CAPZB: variants seen among roughly 807,000 people sequenced by gnomAD.
The protein encoded by CAPZB is capping actin protein of muscle Z-line subunit beta, also known as F-actin-capping protein subunit beta.
Under a neutral mutation model 38.1 loss-of-function variants are expected in CAPZB, and 2 were observed. The observed-to-expected ratio is 0.05, with a 90% CI of 0.02 to 0.17. The LOEUF is 0.17. CAPZB is among the 10% of genes least tolerant of loss of function. The pLI is 1.00. For synonymous variants in CAPZB, 107 were observed against 127.4 expected, an observed-to-expected ratio of 0.84 and a Z score of 1.08; for missense variants, 161 against 334.2, an observed-to-expected ratio of 0.48 and a Z score of 4.04.
At chr1:19,471,661 A>C (rs4912101) in intron 1 of CAPZB, among the ~76,000 whole-genome samples, 1 of 151,826 alleles carries the variant, frequency 6.6e-6, no homozygotes, top group Non-Finnish European at 1.5e-5. Flanking sequence ...TCAGGAGATC[A>C]AGACCATCCT....
intron 1 of CAPZB, among the ~76,000 whole-genome samples, chr1:19,469,650 T>C (rs2094579852): frequency 6.7e-6 from 1 of 149,800 alleles, no homozygotes; most frequent in Non-Finnish European, 1.5e-5. Flanking sequence ...AAGTGACCGG[T>C]TCAAGAAGGT....
chr1:19,478,467 C>G (rs1043751607), intron 1 of CAPZB, among the ~76,000 whole-genome samples: 1 of 152,184 alleles, frequency 6.6e-6, no homozygotes, highest in Non-Finnish European at 1.5e-5. Context: ...TTACAAGACA[C>G]GTGACGACAC....
intron 1 of CAPZB, among the ~76,000 whole-genome samples, chr1:19,465,018 GTTAATT>G (rs2094564656): frequency 6.6e-6 from 1 of 152,080 alleles, no homozygotes; most frequent in Admixed American, 6.6e-5. Flanking sequence ...CTTAAAGCTG[GTTAATT>G]TTATTACTTG....
intron 2 of CAPZB, among the ~76,000 whole-genome samples, chr1:19,393,164 C>T (rs1220126895): frequency 1.3e-5 from 2 of 152,264 alleles, no homozygotes; most frequent in African/African-American, 4.8e-5. Context: ...GAGGCTGGAG[C>T]TTCCGACCCA....
At chr1:19,369,035 A>G (rs1377425455) in intron 4 of CAPZB, among the ~76,000 whole-genome samples, 1 of 152,212 alleles carries the variant, frequency 6.6e-6, no homozygotes, top group Non-Finnish European at 1.5e-5. Context: ...TGGTTAGAGG[A>G]ACCCAAGAAT....
intron 1 of CAPZB, among the ~76,000 whole-genome samples, chr1:19,423,516 C>CTTTTT (rs11340496): frequency 1.1e-4 from 12 of 113,264 alleles, no homozygotes; most frequent in African/African-American, 2.1e-4. Context: ...AGTGAACATT[C>CTTTTT]TTTTTTTTTT....
At chr1:19,361,499 G>A (rs1310854632) in intron 4 of CAPZB, among the ~76,000 whole-genome samples, 2 of 152,282 alleles carry the variant, frequency 1.3e-5, no homozygotes, top group Admixed American at 1.3e-4. Context: ...TCCTGCGAGT[G>A]CCATCAGGGC....
chr1:19,414,580 G>A (rs2094371241), intron 2 of CAPZB, among the ~76,000 whole-genome samples: 1 of 152,174 alleles, frequency 6.6e-6, no homozygotes, highest in Non-Finnish European at 1.5e-5. Flanking sequence ...AGACTTTCTT[G>A]CCTAGTTAAA....
chr1:19,418,685 T>C (rs1036861538), intron 2 of CAPZB, among the ~76,000 whole-genome samples: 4 of 152,242 alleles, frequency 2.6e-5, no homozygotes, highest in Non-Finnish European at 5.9e-5. Context: ...ATAGTCGCAC[T>C]ACAGACCTTT....
chr1:19,481,482 C>T (rs529037392), intron 1 of CAPZB, among the ~76,000 whole-genome samples: 1 of 152,334 alleles, frequency 6.6e-6, no homozygotes, highest in Non-Finnish European at 1.5e-5. Flanking sequence ...CTGCTGTTCA[C>T]ACCGGTCACT....
At position 19,342,758 on chromosome 1, in the gene CAPZB, C is replaced by G. The variant is rs118112042; in HGVS notation, c.731+1600G>C. On this transcript the variant is annotated intron_variant, in intron 8 of 8. Transcript: ENST00000264202. ...CGGCTCTCAGGCAGGGTACCTGGAT[C>G]GGCTTAATTATCAGGCTGGATGTAG... The G allele has an allele frequency of 8.7e-6, 14 of 1,604,120 alleles. No individual in the cohort carries two copies. In the African/African-American group the frequency reaches 1.9e-4, roughly 21 times the overall value.
intron 6 of CAPZB, among the ~76,000 whole-genome samples, chr1:19,345,984 G>A (rs960914233): frequency 2.0e-5 from 3 of 152,208 alleles, no homozygotes; most frequent in Non-Finnish European, 4.4e-5. Flanking sequence ...AGCTGGCTCT[G>A]ACCCAATCAT....
chr1:19,470,565 A>G (rs758408572), intron 1 of CAPZB, among the ~76,000 whole-genome samples: 2 of 152,244 alleles, frequency 1.3e-5, no homozygotes, highest in Non-Finnish European at 2.9e-5. Flanking sequence ...AGACTCACAC[A>G]AGAGTGTAGA....
chr1:19,380,881 T>G (rs184570655), intron 3 of CAPZB, among the ~76,000 whole-genome samples: 35 of 151,856 alleles, frequency 2.3e-4, no homozygotes, highest in Non-Finnish European at 2.2e-4. Context: ...TTTTTAAGAA[T>G]GAATTTGGCC....
At chr1:19,370,271 C>T (rs964232205) in intron 4 of CAPZB, among the ~76,000 whole-genome samples, 7 of 152,198 alleles carry the variant, frequency 4.6e-5, no homozygotes, top group South Asian at 2.1e-4. Flanking sequence ...GGGCTGTGCC[C>T]GGGATCCCCA....
intron 3 of CAPZB, among the ~76,000 whole-genome samples, chr1:19,379,298 C>T (rs1010085406): frequency 1.3e-5 from 2 of 152,046 alleles, no homozygotes; most frequent in Non-Finnish European, 2.9e-5. Flanking sequence ...GGAGTTTGGC[C>T]GTGTCGGCCA....
intron 1 of CAPZB, among the ~76,000 whole-genome samples, chr1:19,428,762 G>A (rs6692727): frequency 0.31 from 46,569 of 151,928 alleles, 7,398 homozygotes; most frequent in Middle Eastern, 0.39. Context: ...CTTCTCCCCC[G>A]TGAGTCTTTC....
chr1:19,345,886 T>C (rs2093957898), intron 6 of CAPZB, among the ~76,000 whole-genome samples: 1 of 152,172 alleles, frequency 6.6e-6, no homozygotes, highest in Admixed American at 6.5e-5. Flanking sequence ...CGAGGAGAGT[T>C]TGAGCAAGAG....
intron 1 of CAPZB, among the ~76,000 whole-genome samples, chr1:19,450,150 AAAAAAAAAAAAAAAAAAAAGAAAAG>A (rs2094510482): frequency 9.2e-6 from 1 of 108,282 alleles, no homozygotes; most frequent in South Asian, 3.2e-4. Context: ...TCTCCAAAAA[AAAAAAAAAAAAAAAAAAAAGAAAAG>A]AAAAGAAAAG....
Sources: gnomAD v4.1 joint callset for allele counts (sites outside exome capture counted in the v4.1 genomes callset) on GRCh38, gnomAD v4.1.1 for gene constraint, MANE v1.5 for transcripts, NCBI Gene and HGNC (gene_info 2026-07-23, HGNC 2026-07-21) for gene names.